The following ATF1 variants were observed in gnomAD, a reference collection of about 807,000 sequenced individuals.
ATF1 encodes activating transcription factor 1, also known as cyclic AMP-dependent transcription factor ATF-1.
ATF1 carries 16 observed loss-of-function variants against 34.7 expected under a neutral mutation model. The ratio of observed to expected loss-of-function variants is 0.46; its 90% CI spans 0.31 to 0.70. ATF1 has a LOEUF of 0.70. ATF1 is among the 30% of genes least tolerant of loss of function. The pLI, the probability that ATF1 is intolerant of heterozygous loss-of-function variation, is 0.05. For missense variants in ATF1, 255 were observed against 321.6 expected, an observed-to-expected ratio of 0.79 and a Z score of 1.58; for synonymous variants, 105 against 113.1, an observed-to-expected ratio of 0.93 and a Z score of 0.46.
intron 1 of ATF1, among the ~76,000 whole-genome samples, chr12:50,773,466 T>TTTTTTTC (rs1156858215): frequency 6.7e-6 from 1 of 149,476 alleles, no homozygotes; most frequent in African/African-American, 2.5e-5. Flanking sequence ...TTTTTTTTTT[T>TTTTTTTC]CGAGACAAAG....
intron 3 of ATF1, among the ~76,000 whole-genome samples, chr12:50,802,835 G>A (rs1489228341): frequency 9.0e-6 from 1 of 111,056 alleles, no homozygotes; most frequent in Non-Finnish European, 1.7e-5. Context: ...ATGCACCACT[G>A]TACTCCAGCC....
At chr12:50,788,830 G>T (rs1941242281) in intron 2 of ATF1, among the ~76,000 whole-genome samples, 1 of 152,018 alleles carries the variant, frequency 6.6e-6, no homozygotes, top group East Asian at 1.9e-4. Context: ...ATAAACAATT[G>T]GCCTCTTTGC....
intron 3 of ATF1, among the ~76,000 whole-genome samples, chr12:50,807,282 A>G (rs1438780425): frequency 6.6e-6 from 1 of 151,714 alleles, no homozygotes; most frequent in Non-Finnish European, 1.5e-5. Flanking sequence ...GCGTGTACCT[A>G]TATTCCCAGC....
intron 1 of ATF1, among the ~76,000 whole-genome samples, chr12:50,773,707 A>G (rs1476180131): frequency 6.6e-6 from 1 of 152,052 alleles, no homozygotes; most frequent in Non-Finnish European, 1.5e-5. Context: ...CTCCTGCCTC[A>G]GCCTTCCAAG....
At chr12:50,794,055 C>T (rs994892531) in intron 2 of ATF1, among the ~76,000 whole-genome samples, 3 of 151,662 alleles carry the variant, frequency 2.0e-5, no homozygotes, top group African/African-American at 7.3e-5. Context: ...GGTTCACGCC[C>T]TTCTCCTGCC....
upstream of ATF1, among the ~76,000 whole-genome samples, chr12:50,763,904 C>G (rs995434006): frequency 6.6e-6 from 1 of 152,154 alleles, no homozygotes; most frequent in Non-Finnish European, 1.5e-5. Flanking sequence ...GGAACGCGTT[C>G]CGAGGAACCC....
chr12:50,787,722 T>C (rs1831848139), intron 2 of ATF1, among the ~76,000 whole-genome samples: 1 of 151,832 alleles, frequency 6.6e-6, no homozygotes, highest in Admixed American at 6.6e-5. Flanking sequence ...AGCCTAGGTG[T>C]CAGAGTGAGG....
chr12:50,816,007 G>A (rs531854040), intron 6 of ATF1, among the ~76,000 whole-genome samples: 1 of 152,276 alleles, frequency 6.6e-6, no homozygotes, highest in Admixed American at 6.5e-5. Context: ...CTTATATGTG[G>A]GAGCTAAAAT....
At chr12:50,813,130 A>G (rs1396581578) in intron 4 of ATF1, among the ~76,000 whole-genome samples, 2 of 152,210 alleles carry the variant, frequency 1.3e-5, no homozygotes, top group Non-Finnish European at 2.9e-5. Flanking sequence ...ATGGGCATTT[A>G]AGGGCTGAGG....
intron 1 of ATF1, among the ~76,000 whole-genome samples, chr12:50,769,378 C>T (rs989272022): frequency 6.6e-6 from 1 of 152,010 alleles, no homozygotes; most frequent in African/African-American, 2.4e-5. Context: ...TGGTGGCGCA[C>T]ACCTGTAGTC....
At chr12:50,774,023 GTTTTC>G (rs1457688754) in intron 1 of ATF1, among the ~76,000 whole-genome samples, 2 of 151,996 alleles carry the variant, frequency 1.3e-5, no homozygotes, top group African/African-American at 4.8e-5. Flanking sequence ...TTCTTTGCAA[GTTTTC>G]TTTTCTTTTT....
intron 3 of ATF1, among the ~76,000 whole-genome samples, chr12:50,797,438 G>A (rs1481260765): frequency 6.6e-6 from 1 of 152,204 alleles, no homozygotes; most frequent in Non-Finnish European, 1.5e-5. Context: ...TTGAAGTACA[G>A]TATAAGACAA....
At chr12:50,793,548 G>A (rs892654105) in intron 2 of ATF1, among the ~76,000 whole-genome samples, 4 of 151,156 alleles carry the variant, frequency 2.6e-5, no homozygotes, top group African/African-American at 9.7e-5. Context: ...CAGGAGAATC[G>A]CTTGAACCCG....
At chr12:50,767,907 C>G (rs1283522371) in intron 1 of ATF1, among the ~76,000 whole-genome samples, 1 of 148,774 alleles carries the variant, frequency 6.7e-6, no homozygotes, top group Admixed American at 6.8e-5. Flanking sequence ...GAGTCTTGCT[C>G]TGTCGCCCAG....
At chr12:50,807,319 C>T (rs1487878177) in intron 3 of ATF1, among the ~76,000 whole-genome samples, 1 of 151,754 alleles carries the variant, frequency 6.6e-6, no homozygotes, top group Admixed American at 6.6e-5. Flanking sequence ...GCAGGAGGAT[C>T]GCTTGAGCCT....
Position 50,805,410 on chromosome 12 carries a change from TA to T in ATF1, c.195-4045del, listed in dbSNP as rs561324008. On this transcript the variant is annotated intron_variant, in intron 3 of 6. Transcript: ENST00000262053. ...GTCACTACAAAAAAATACAAAAAAT[TA>T]GCTGAGTGTGGTAGTGCATGCCTGT... 7.9e-4 allele frequency among the ~76,000 whole-genome samples: 120 copies of T among 151,444 alleles called. 2 individuals carry two copies. The highest frequency in any genetic ancestry group is 2.5e-3 in the South Asian group (12 of 4,764).
chr12:50,810,249 G>A (rs1941707655), intron 4 of ATF1, among the ~76,000 whole-genome samples: 3 of 130,824 alleles, frequency 2.3e-5, no homozygotes, highest in Admixed American at 8.7e-5. Flanking sequence ...GTGGAGTTTC[G>A]CTCTGTTGCC....
At chr12:50,809,647 A>G in intron 4 of ATF1, 58 bp downstream of exon 4, 1 of 1,504,180 alleles carries the variant, frequency 6.6e-7, no homozygotes, top group Non-Finnish European at 9.0e-7. Context: ...TTTTCTGTAG[A>G]AAGAAATGGT....
intron 4 of ATF1, among the ~76,000 whole-genome samples, chr12:50,812,974 T>C (rs1941767874): frequency 6.6e-6 from 1 of 152,244 alleles, no homozygotes; most frequent in African/African-American, 2.4e-5. Flanking sequence ...ACATGTATTT[T>C]GGCTTCCTGG....
Sources: allele counts gnomAD v4.1 joint callset (sites outside exome capture counted in the v4.1 genomes callset), GRCh38; gene constraint gnomAD v4.1.1; transcripts MANE v1.5; gene names NCBI Gene and HGNC (gene_info 2026-07-23, HGNC 2026-07-21).